The following ANKRD26 variants were observed in gnomAD, a reference collection of about 807,000 sequenced individuals.
ANKRD26 encodes the protein ankyrin repeat domain-containing protein 26.
In ANKRD26, 141 loss-of-function variants were observed where a neutral mutation model predicts 208.7. The observed-to-expected ratio is 0.68, with a 90% CI of 0.59 to 0.78. ANKRD26 has a LOEUF of 0.78. Ranked by LOEUF, ANKRD26 falls within the 30% of genes least tolerant of loss-of-function variation. The probability of loss-of-function intolerance (pLI) is 0.00; values close to 1 mark genes in which losing one functional copy is unlikely to be tolerated. For missense variants in ANKRD26, 1,889 were observed against 1,938.7 expected (o/e 0.97, Z 0.48); for synonymous variants, 636 against 660.4 (o/e 0.96, Z 0.57).
chr10:27,046,612 A>T, intron 17 of ANKRD26, 89 bp from the exon 18 acceptor site: 1 of 1,309,694 alleles, frequency 7.6e-7, no homozygotes, highest in Non-Finnish European at 1.1e-6. Flanking sequence ...AAAAGAAAGA[A>T]TAAAAAATCC....
intron 9 of ANKRD26, 48 bp from the exon 10 acceptor site, chr10:27,067,334 A>G (rs747593994): frequency 1.9e-6 from 3 of 1,590,654 alleles, no homozygotes; most frequent in Admixed American, 3.4e-5. Context: ...AAAACACTGT[A>G]TTTATTCACT....
At chr10:27,009,796 C>T (rs1006537346) in intron 32 of ANKRD26, among the ~76,000 whole-genome samples, 4 of 152,046 alleles carry the variant, frequency 2.6e-5, no homozygotes, top group Non-Finnish European at 4.4e-5. Context: ...TTGTTTATTT[C>T]CAGGTGGGGG....
chr10:26,948,336 C>A, the ANKRD26 span, among the ~76,000 whole-genome samples: 1 of 152,326 alleles, frequency 6.6e-6, no homozygotes, highest in African/African-American at 2.4e-5. Flanking sequence ...CCAGCAAGTT[C>A]TTCGGCATCC....
At chr10:27,026,651 A>G (rs1453844507) in intron 27 of ANKRD26, among the ~76,000 whole-genome samples, 1 of 152,222 alleles carries the variant, frequency 6.6e-6, no homozygotes, top group Non-Finnish European at 1.5e-5. Flanking sequence ...TCTACACAGG[A>G]AAGTGTGAAT....
Position 27,012,933 on chromosome 10 carries a change from A to C in ANKRD26, c.4902T>G (p.Ser1634=). The change falls in exon 32 of 34, where the codon TCT becomes TCG. Residue 1634 remains serine (S), a synonymous_variant. Transcript: ENST00000376087. ...KLIPRENLVI[S]TSNPRASNNS... is the part of the protein sequence containing the mutation. The stretch of plus-strand genomic sequence containing the variant: ...TATTTGAAGCCCGTGGATTTGAGGT[A>C]GAGATCACTAAGTTTTCTCTTGGAA... The C allele has an allele frequency of 6.2e-7, 1 of 1,614,128 alleles. No homozygotes were observed. Among genetic ancestry groups the C allele is most frequent in the Non-Finnish European group, 8.5e-7 (1 of 1,179,960 alleles).
chr10:27,044,792 CAAGT>C (rs1168743813), intron 18 of ANKRD26, among the ~76,000 whole-genome samples: 1 of 152,048 alleles, frequency 6.6e-6, no homozygotes, highest in East Asian at 1.9e-4. Context: ...ACAGGAAAAC[CAAGT>C]AACTTGCCCA....
At chr10:26,971,675 C>CAAAA (rs1170237211), downstream of ANKRD26, among the ~76,000 whole-genome samples, 149 of 89,418 alleles carry the variant, frequency 1.7e-3, 2 homozygotes, top group African/African-American at 4.7e-3. Context: ...GACCATGTCT[C>CAAAA]AAAAAAAAAA....
At chr10:27,006,229 A>G (rs2052875464) in intron 33 of ANKRD26, among the ~76,000 whole-genome samples, 1 of 152,184 alleles carries the variant, frequency 6.6e-6, no homozygotes, top group Non-Finnish European at 1.5e-5. Context: ...TGCCAGACGG[A>G]AGGAAGAAGC....
downstream of ANKRD26, among the ~76,000 whole-genome samples, chr10:27,003,037 T>C (rs1254008419): frequency 6.6e-6 from 1 of 152,192 alleles, no homozygotes; most frequent in Admixed American, 6.5e-5. Flanking sequence ...CAATATGTCA[T>C]AGGAACGTTA....
intron 16 of ANKRD26, among the ~76,000 whole-genome samples, chr10:27,052,920 T>C (rs550889346): frequency 6.6e-6 from 1 of 152,292 alleles, no homozygotes; most frequent in East Asian, 1.9e-4. Flanking sequence ...TGGGAATGAT[T>C]ACTCCTTTAA....
chr10:27,041,100 A>T (rs936020507), intron 20 of ANKRD26, among the ~76,000 whole-genome samples: 2 of 151,908 alleles, frequency 1.3e-5, no homozygotes, highest in African/African-American at 4.8e-5. Context: ...ATGCCCAGAG[A>T]CCCGCTTTCA....
the ANKRD26 span, among the ~76,000 whole-genome samples, chr10:26,965,332 T>G: frequency 6.6e-6 from 1 of 152,008 alleles, no homozygotes; most frequent in East Asian, 1.9e-4. Flanking sequence ...ATGCCATATA[T>G]CTACAACTAT....
chr10:26,974,404 A>T (rs2052194719), exon 6 of ANKRD26, among the ~76,000 whole-genome samples: 1 of 149,526 alleles, frequency 6.7e-6, no homozygotes, highest in Non-Finnish European at 1.5e-5. Context: ...GCAGTGGTGC[A>T]ATCTCAGCTC....
chr10:27,061,252 A>G lies in ANKRD26; in HGVS notation c.1364-10T>C, dbSNP rs754741632. On this transcript the variant is annotated splice_polypyrimidine_tract_variant and intron_variant, in intron 12 of 33. Coordinates refer to ENST00000376087, the MANE Select transcript of ANKRD26 (RefSeq NM_014915.3). ...GGTATATAAAACACATCTAAGAAAT[A>G]ATACATAATAAGCTTTCAATATTGT... is the stretch of plus-strand genomic sequence containing the variant. The G allele has an allele frequency of 1.3e-6, 2 of 1,523,008 alleles. No homozygotes were observed. Among genetic ancestry groups the G allele is most frequent in the Admixed American group, 1.7e-5 (1 of 59,706 alleles). The allele number at this position is 1,523,008 out of a possible 1,614,324, so 94.3% of individuals were successfully genotyped here.
intron 32 of ANKRD26, among the ~76,000 whole-genome samples, chr10:27,007,900 A>G (rs1028841574): frequency 6.6e-6 from 1 of 152,122 alleles, no homozygotes; most frequent in African/African-American, 2.4e-5. Flanking sequence ...AATGATAAAT[A>G]TAAGTTGGAG....
At chr10:26,964,480 TG>T in the ANKRD26 span, among the ~76,000 whole-genome samples, 1 of 152,166 alleles carries the variant, frequency 6.6e-6, no homozygotes, top group Admixed American at 6.5e-5. Context: ...GGGTCTAACA[TG>T]CAGCTCACTC....
chr10:27,085,638 C>A (rs555887906), intron 5 of ANKRD26, among the ~76,000 whole-genome samples: 1 of 152,040 alleles, frequency 6.6e-6, no homozygotes, highest in Non-Finnish European at 1.5e-5. Flanking sequence ...TTTATGGTAC[C>A]AGAAAGGTAC....
chr10:27,049,026 T>C, intron 16 of ANKRD26, 47 bp from the exon 17 acceptor site: 1 of 1,442,882 alleles, frequency 6.9e-7, no homozygotes, highest in Non-Finnish European at 9.5e-7. Flanking sequence ...CTTTATTCAA[T>C]AATAATTTCT....
At chr10:26,959,078 G>A in the ANKRD26 span, among the ~76,000 whole-genome samples, 1 of 151,878 alleles carries the variant, frequency 6.6e-6, no homozygotes, top group Non-Finnish European at 1.5e-5. Context: ...CATGTTTGTT[G>A]GCTGCATATG....
Sources: allele counts gnomAD v4.1 joint callset (sites outside exome capture counted in the v4.1 genomes callset), GRCh38; gene constraint gnomAD v4.1.1; transcripts MANE v1.5; gene names NCBI Gene and HGNC (gene_info 2026-07-23, HGNC 2026-07-21).